Variants in NEBL observed in about 807,000 individuals in gnomAD.
NEBL encodes the protein nebulette, also known as LIM and SH3 protein 2.
In NEBL, 122 loss-of-function variants were observed where a neutral mutation model predicts 140.2. That is an observed-to-expected ratio of 0.87 (90% CI 0.75 to 1.01). NEBL has a LOEUF of 1.01. Ranked by LOEUF, NEBL falls within the 50% of genes least tolerant of loss-of-function variation. NEBL has a pLI of 0.00. For synonymous variants in NEBL, 436 were observed against 398.9 expected (o/e 1.09, Z -1.11); for missense variants, 1,365 against 1,231.3 (o/e 1.11, Z -1.62).
intron 4 of NEBL, among the ~76,000 whole-genome samples, chr10:20,882,227 AAAAG>A (rs1846077933): frequency 6.6e-6 from 1 of 151,694 alleles, no homozygotes; most frequent in South Asian, 2.1e-4. Flanking sequence ...AAGGAAAGAA[AAAAG>A]GAAGGAAGGA....
At chr10:21,130,314 A>G (rs1839043201) in intron 2 of NEBL, among the ~76,000 whole-genome samples, 5 of 152,100 alleles carry the variant, frequency 3.3e-5, no homozygotes, top group Admixed American at 1.3e-4. Context: ...TGGAAATTTC[A>G]ACACCCCTCT....
intron 4 of NEBL, among the ~76,000 whole-genome samples, 195 bp downstream of exon 4, chr10:20,887,902 T>G (rs1487219653): frequency 6.6e-6 from 1 of 152,222 alleles, no homozygotes; most frequent in Non-Finnish European, 1.5e-5. Flanking sequence ...ACCATGTGAC[T>G]GACATAAACC....
chr10:21,111,235 A>T lies in NEBL; in HGVS notation c.164+61148T>A, dbSNP rs1022631209. 3.9e-5 allele frequency among the ~76,000 whole-genome samples: 6 copies of T among 152,326 alleles called. 1 individual carries two copies. The highest frequency in any genetic ancestry group is 1.4e-4 in the African/African-American group (6 of 41,574). On this transcript the variant is annotated intron_variant, in intron 2 of 6. Transcript: ENST00000417816. Reference sequence around the variant, plus strand: ...CACTGACTTTCTTCACAGAATTGGAAAAAACTACTTTAAAGTTCATATGGA... The same window carrying T: ...CACTGACTTTCTTCACAGAATTGGATAAAACTACTTTAAAGTTCATATGGA...
chr10:20,806,445 A>G (rs1460417035), intron 26 of NEBL, among the ~76,000 whole-genome samples: 1 of 152,022 alleles, frequency 6.6e-6, no homozygotes, highest in Non-Finnish European at 1.5e-5. Context: ...TATCAGAAAC[A>G]TTTTTCTCCC....
intron 3 of NEBL, among the ~76,000 whole-genome samples, chr10:21,016,533 A>G (rs1035309457): frequency 6.6e-6 from 1 of 152,240 alleles, no homozygotes; most frequent in Non-Finnish European, 1.5e-5. Context: ...ATTGGAAAAT[A>G]TATTTCGATT....
At chr10:21,061,800 G>T (rs918250358) in intron 2 of NEBL, among the ~76,000 whole-genome samples, 44 of 152,118 alleles carry the variant, frequency 2.9e-4, no homozygotes, top group African/African-American at 9.4e-4. Flanking sequence ...TAATATGACT[G>T]CTTGGCAGGG....
At chr10:20,800,771 T>G (rs1274041721) in intron 26 of NEBL, among the ~76,000 whole-genome samples, 2 of 152,106 alleles carry the variant, frequency 1.3e-5, no homozygotes, top group Admixed American at 1.3e-4. Flanking sequence ...AGCGGACCAC[T>G]GAGAAGGTCT....
At chr10:21,012,217 A>T (rs1189895374) in intron 3 of NEBL, among the ~76,000 whole-genome samples, 1 of 151,972 alleles carries the variant, frequency 6.6e-6, no homozygotes, top group East Asian at 1.9e-4. Context: ...TTCAAGTGGG[A>T]CCATCTTCCC....
At chr10:21,066,427 TA>T (rs1835547512) in intron 2 of NEBL, among the ~76,000 whole-genome samples, 2 of 152,108 alleles carry the variant, frequency 1.3e-5, no homozygotes, top group East Asian at 3.9e-4. Context: ...GATTAAAAAA[TA>T]AAAGTTAAGA....
intron 2 of NEBL, among the ~76,000 whole-genome samples, chr10:21,129,691 T>G (rs1564521540): frequency 6.6e-6 from 1 of 151,906 alleles, no homozygotes; most frequent in Non-Finnish European, 1.5e-5. Flanking sequence ...ATTACCTGTA[T>G]ATTGCAAACC....
chr10:20,941,789 C>G (rs538541447), intron 4 of NEBL, among the ~76,000 whole-genome samples: 2 of 151,970 alleles, frequency 1.3e-5, no homozygotes, highest in Non-Finnish European at 2.9e-5. Context: ...TCTTATACAC[C>G]AATAACAGAC....
At chr10:21,071,388 G>A (rs996051999) in intron 2 of NEBL, among the ~76,000 whole-genome samples, 6 of 151,670 alleles carry the variant, frequency 4.0e-5, no homozygotes, top group African/African-American at 2.4e-5. Flanking sequence ...CTTTGTCCTC[G>A]AGTGAGTTGT....
intron 1 of NEBL, among the ~76,000 whole-genome samples, chr10:21,277,748 C>G (rs965860377): frequency 6.6e-6 from 1 of 152,210 alleles, no homozygotes; most frequent in Admixed American, 6.5e-5. Flanking sequence ...TGGGCCTTTC[C>G]ATGTTAACAT....
intron 2 of NEBL, among the ~76,000 whole-genome samples, chr10:21,055,768 A>G (rs1834993832): frequency 6.6e-6 from 1 of 152,240 alleles, no homozygotes; most frequent in Admixed American, 6.5e-5. Context: ...CCTGTAGCGC[A>G]GATAATCCAG....
chr10:20,897,077 C>T, intron 1 of NEBL, 48 bp from the exon 2 acceptor site: 1 of 1,600,152 alleles, frequency 6.2e-7, no homozygotes, highest in Non-Finnish European at 8.6e-7. Context: ...TTCTCATTGT[C>T]AATTTAGAGG....
Position 20,888,093 on chromosome 10 carries a change from C to G in NEBL, c.369+4G>C. ...AATCATGAAACACTTTAGAAAAACCCTACCTCACTCTGGAGCTGTGTAACT... is the reference window on the plus strand; with the variant it reads ...AATCATGAAACACTTTAGAAAAACCGTACCTCACTCTGGAGCTGTGTAACT... On this transcript the variant is annotated splice_donor_region_variant and intron_variant, in intron 4 of 27. Transcript: ENST00000377122. 1 of 1,584,146 alleles carries G rather than the reference C, an allele frequency of 6.3e-7. No homozygotes were observed. The highest frequency in any genetic ancestry group is 8.7e-7 in the Non-Finnish European group (1 of 1,152,766).
chr10:21,229,614 G>A (rs1842218252), intron 3 of NEBL, among the ~76,000 whole-genome samples: 1 of 152,182 alleles, frequency 6.6e-6, no homozygotes, highest in Admixed American at 6.5e-5. Context: ...TGGAGAGTAA[G>A]TGGTGTTATT....
At chr10:20,924,539 T>G (rs1833784762) in intron 4 of NEBL, among the ~76,000 whole-genome samples, 1 of 114,594 alleles carries the variant, frequency 8.7e-6, no homozygotes, top group Non-Finnish European at 1.8e-5. Flanking sequence ...AAAAAAAAAA[T>G]CCCAGCAGGT....
Position 20,946,054 on chromosome 10 carries a change from G to A in NEBL, c.357+15618C>T, listed in dbSNP as rs551859478. Reference sequence around the variant, plus strand: ...ACACAAGAGCCCTTCATGAATGTTCGTTCTCATCTCTTCCCTCTATTCGGG... The same window carrying A: ...ACACAAGAGCCCTTCATGAATGTTCATTCTCATCTCTTCCCTCTATTCGGG... On this transcript the variant is annotated intron_variant, in intron 4 of 6. Coordinates refer to the NEBL transcript ENST00000417816. Among the ~76,000 whole-genome samples, 13 of 152,250 alleles carry A rather than the reference G, an allele frequency of 8.5e-5. No individual in the cohort carries two copies. The East Asian group carries it at 1.7e-3, about 20-fold the overall frequency.
Sources: gnomAD v4.1 joint callset for allele counts (sites outside exome capture counted in the v4.1 genomes callset) on GRCh38, gnomAD v4.1.1 for gene constraint, MANE v1.5 for transcripts, NCBI Gene and HGNC (gene_info 2026-07-23, HGNC 2026-07-21) for gene names.